ASTN2: variants seen among roughly 807,000 people sequenced by gnomAD.
ASTN2 encodes astrotactin 2, also known as astrotactin-2.
ASTN2 carries 54 observed loss-of-function variants against 139.8 expected under a neutral mutation model. The observed-to-expected ratio is 0.39, with a 90% CI of 0.31 to 0.48. The LOEUF is 0.48. Among genes scored for constraint, ASTN2 ranks in the 20% least tolerant of loss-of-function variants. The pLI is 0.95. For missense variants in ASTN2, 1,565 were observed against 1,725.1 expected (o/e 0.91, Z 1.64); for synonymous variants, 756 against 719.5 (o/e 1.05, Z -0.81).
At chr9:117,338,889 G>A (rs986298367) in intron 1 of ASTN2, among the ~76,000 whole-genome samples, 1 of 152,058 alleles carries the variant, frequency 6.6e-6, no homozygotes, top group Non-Finnish European at 1.5e-5. Flanking sequence ...TACCTCTCCA[G>A]ACCTCACAGC....
intron 5 of ASTN2, among the ~76,000 whole-genome samples, chr9:117,095,491 A>G (rs553827161): frequency 2.6e-5 from 4 of 152,340 alleles, no homozygotes; most frequent in Non-Finnish European, 5.9e-5. Flanking sequence ...GGCACACGGT[A>G]TCTTATTTAT....
chr9:116,457,777 T>C (rs1848376646), intron 20 of ASTN2, among the ~76,000 whole-genome samples: 1 of 152,058 alleles, frequency 6.6e-6, no homozygotes, highest in African/African-American at 2.4e-5. Context: ...ACGACCACTA[T>C]GGGGAACAAT....
Position 117,141,313 on chromosome 9 carries a change from C to A in ASTN2, c.1168+13G>T. On this transcript the variant is annotated intron_variant, in intron 4 of 22. Coordinates refer to ENST00000313400, the MANE Select transcript of ASTN2 (RefSeq NM_001365068.1). ...CTTCTGACTTCCTGGCCAGATGTGC[C>A]AGGAGGGCCTACCTCGAGACTTGCT... 6 of 1,366,436 alleles carry A rather than the reference C, an allele frequency of 4.4e-6. No homozygotes were observed. The highest frequency in any genetic ancestry group is 5.9e-6 in the Non-Finnish European group (6 of 1,021,170). 84.6% of individuals were successfully genotyped at this position (1,366,436 alleles called of 1,614,324 possible).
intron 20 of ASTN2, among the ~76,000 whole-genome samples, chr9:116,471,891 C>T (rs1848824574): frequency 6.6e-6 from 1 of 152,072 alleles, no homozygotes; most frequent in Admixed American, 6.6e-5. Context: ...CATTTCAAAC[C>T]TTGGGCTCTG....
At chr9:116,613,334 C>T (rs1366549422) in intron 19 of ASTN2, 3 of 152,142 alleles carry the variant, frequency 2.0e-5, no homozygotes, top group African/African-American at 4.8e-5. Context: ...TGAAACTATT[C>T]AAATCAATAG....
intron 10 of ASTN2, among the ~76,000 whole-genome samples, chr9:116,906,246 G>C (rs1834156637): frequency 6.6e-6 from 1 of 152,176 alleles, no homozygotes; most frequent in Non-Finnish European, 1.5e-5. Flanking sequence ...TGGTGTGCAA[G>C]ATAGTCACAC....
At chr9:117,068,810 TA>T (rs1200048608) in intron 5 of ASTN2, among the ~76,000 whole-genome samples, 1 of 135,122 alleles carries the variant, frequency 7.4e-6, no homozygotes, top group Non-Finnish European at 1.6e-5. Flanking sequence ...GTGTTTGTAG[TA>T]TTCTCTGATG....
At chr9:117,081,890 T>C (rs566582763) in intron 5 of ASTN2, among the ~76,000 whole-genome samples, 271 of 152,284 alleles carry the variant, frequency 1.8e-3, no homozygotes, top group African/African-American at 6.2e-3. Context: ...AACAACCACA[T>C]AAGCTTGGAA....
chr9:117,107,634 C>T (rs1437058753), intron 4 of ASTN2, among the ~76,000 whole-genome samples: 4 of 152,074 alleles, frequency 2.6e-5, no homozygotes, highest in Non-Finnish European at 4.4e-5. Flanking sequence ...TGATCTGACC[C>T]GCATAGAGCA....
At chr9:117,115,589 A>T (rs1296704683) in intron 4 of ASTN2, among the ~76,000 whole-genome samples, 1 of 152,128 alleles carries the variant, frequency 6.6e-6, no homozygotes. Flanking sequence ...GAGATAATAC[A>T]TTTAAAAGGA....
At chr9:117,283,721 C>G (rs569306290) in intron 2 of ASTN2, among the ~76,000 whole-genome samples, 1 of 152,280 alleles carries the variant, frequency 6.6e-6, no homozygotes, top group East Asian at 1.9e-4. Flanking sequence ...GATCTGTTTT[C>G]CCTACTACTC....
At chr9:116,990,298 C>T (rs1346515818) in intron 7 of ASTN2, among the ~76,000 whole-genome samples, 3 of 152,240 alleles carry the variant, frequency 2.0e-5, no homozygotes, top group Middle Eastern at 3.4e-3. Flanking sequence ...GACAAAGTCT[C>T]GCTCTGTCAC....
chr9:117,165,231 C>T (rs928641), intron 3 of ASTN2, among the ~76,000 whole-genome samples: 85,909 of 151,954 alleles, frequency 0.57, 24,357 homozygotes, highest in East Asian at 0.73. Flanking sequence ...AGTCTTTTGA[C>T]GAACACTTAC....
At chr9:116,525,898 G>A (rs1851069569) in intron 19 of ASTN2, among the ~76,000 whole-genome samples, 2 of 152,066 alleles carry the variant, frequency 1.3e-5, no homozygotes, top group Admixed American at 6.5e-5. Flanking sequence ...ATCCCTTACA[G>A]ATTCATTCAC....
At chr9:117,240,897 CT>C (rs1429581503) in intron 2 of ASTN2, among the ~76,000 whole-genome samples, 4 of 152,142 alleles carry the variant, frequency 2.6e-5, no homozygotes, top group African/African-American at 7.2e-5. Context: ...CACTCATTTT[CT>C]GCATATTTTG....
chr9:117,016,636 A>AGGT lies in ASTN2; in HGVS notation c.1424-8378_1424-8377insACC, dbSNP rs1564385933. ...TATATCTATCTATCTATATATATATATATATATATATATATATATAACCTA... is the reference window on the plus strand; with the variant it reads ...TATATCTATCTATCTATATATATATAGGTTATATATATATATATATATAACCTA... On this transcript the variant is annotated intron_variant, in intron 6 of 22. Transcript: ENST00000313400. Among the ~76,000 whole-genome samples the AGGT allele has an allele frequency of 1.5e-3, 32 of 21,446 alleles. 2 individuals carry two copies. Among genetic ancestry groups the AGGT allele is most frequent in the Admixed American group, 2.1e-3 (3 of 1,462 alleles). 14.1% of individuals were successfully genotyped at this position (21,446 alleles called of 152,430 possible).
intron 10 of ASTN2, among the ~76,000 whole-genome samples, chr9:116,905,362 G>C (rs1299877537): frequency 1.3e-5 from 2 of 152,166 alleles, no homozygotes; most frequent in African/African-American, 2.4e-5. Context: ...AAAAGGAGAC[G>C]AAGGGCCTGA....
At chr9:117,323,164 C>T (rs927398588) in intron 1 of ASTN2, among the ~76,000 whole-genome samples, 4 of 151,872 alleles carry the variant, frequency 2.6e-5, no homozygotes, top group Non-Finnish European at 4.4e-5. Context: ...TTTATGTGTG[C>T]ACACACACAC....
In ASTN2 at chr9:116,423,800, G is replaced by C. The variant is rs1215975154; in HGVS notation, c.*2051C>G. 1.3e-5 allele frequency among the ~76,000 whole-genome samples: 2 copies of C among 152,100 alleles called. No individual in the cohort carries two copies. The highest frequency in any genetic ancestry group is 2.9e-5 in the Non-Finnish European group (2 of 68,020). On this transcript the variant is annotated 3_prime_UTR_variant, in exon 23 of 23. Transcript: ENST00000313400. ...ACCCATTTTCCCCATATGGATTGAA[G>C]TCCTGGGGAAAAAAATGCGCTCAAT...
Sources: gnomAD v4.1 joint callset for allele counts (sites outside exome capture counted in the v4.1 genomes callset) on GRCh38, gnomAD v4.1.1 for gene constraint, MANE v1.5 for transcripts, NCBI Gene and HGNC (gene_info 2026-07-23, HGNC 2026-07-21) for gene names.